SNW1: variants seen among roughly 807,000 people sequenced by gnomAD.
The protein encoded by SNW1 is SNW domain containing 1.
SNW1 carries 9 observed loss-of-function variants against 75.6 expected under a neutral mutation model. The ratio of observed to expected loss-of-function variants is 0.12; its 90% confidence interval spans 0.07 to 0.21. The LOEUF is 0.21. Ranked by LOEUF, SNW1 falls within the 10% of genes least tolerant of loss-of-function variation. The pLI is 1.00. For missense variants in SNW1, 409 were observed against 670.9 expected, an observed-to-expected ratio of 0.61 and a Z score of 4.31; for synonymous variants, 200 against 219.1, an observed-to-expected ratio of 0.91 and a Z score of 0.77.
intron 9 of SNW1, 113 bp downstream of exon 9, chr14:77,732,372 G>A: frequency 1.4e-6 from 1 of 694,940 alleles, no homozygotes; most frequent in Non-Finnish European, 2.5e-6. Flanking sequence ...CACGTACCAT[G>A]GGTGAGACTC....
intron 1 of SNW1, among the ~76,000 whole-genome samples, chr14:77,758,037 A>AAT (rs2080856437): frequency 6.6e-6 from 1 of 151,282 alleles, no homozygotes; most frequent in African/African-American, 2.4e-5. Flanking sequence ...GCAATCAATC[A>AAT]CAATTTTTCC....
chr14:77,721,071 G>C, intron 11 of SNW1: 1 of 464,260 alleles, frequency 2.2e-6, no homozygotes, highest in Admixed American at 3.9e-5. Context: ...CAGATTCGTT[G>C]ACATGGAATT....
At chr14:77,757,845 T>C (rs902465396) in intron 1 of SNW1, among the ~76,000 whole-genome samples, 11 of 152,174 alleles carry the variant, frequency 7.2e-5, no homozygotes, top group African/African-American at 2.7e-4. Flanking sequence ...ACTACAGCCT[T>C]CTTATCTTTT....
intron 2 of SNW1, 50 bp from the exon 3 acceptor site, chr14:77,751,530 C>G (rs371985429): frequency 1.4e-6 from 2 of 1,415,666 alleles, no homozygotes. Flanking sequence ...ATTTGACATT[C>G]AAGATATATT....
chr14:77,756,078 A>G (rs1236802637), intron 1 of SNW1, among the ~76,000 whole-genome samples: 1 of 151,672 alleles, frequency 6.6e-6, no homozygotes, highest in Admixed American at 6.6e-5. Flanking sequence ...AAACATTCCT[A>G]ATACTTCAGG....
chr14:77,749,307 CA>C (rs2080789263), intron 3 of SNW1, among the ~76,000 whole-genome samples: 1 of 152,162 alleles, frequency 6.6e-6, no homozygotes, highest in South Asian at 2.1e-4. Context: ...GAGAGCACCT[CA>C]TCAAACTGGT....
chr14:77,731,696 C>CA (rs2080628522), intron 9 of SNW1, among the ~76,000 whole-genome samples: 1 of 152,170 alleles, frequency 6.6e-6, no homozygotes, highest in Non-Finnish European at 1.5e-5. Context: ...TGCTATGATG[C>CA]ATGTGAACTT....
chr14:77,759,260 G>C (rs2080866773), intron 1 of SNW1, among the ~76,000 whole-genome samples: 1 of 152,208 alleles, frequency 6.6e-6, no homozygotes, highest in Non-Finnish European at 1.5e-5. Context: ...AGTAATGCCA[G>C]CACTGTGGGA....
At chr14:77,736,862 G>T (rs1187993877) in intron 6 of SNW1, 109 bp downstream of exon 6, 1 of 758,932 alleles carries the variant, frequency 1.3e-6, no homozygotes, top group Admixed American at 2.1e-5. Flanking sequence ...TAGATAAATG[G>T]AATCATACTG....
In SNW1 at chr14:77,751,433, A is replaced by G; in HGVS notation, c.216T>C (p.Tyr72=). Reference sequence around the variant, plus strand: ...TTTTCTTTCGTCCCATATCCAGTGGATACTGGGCCACATGGATCTCTGGAA... The same window carrying G: ...TTTTCTTTCGTCCCATATCCAGTGGGTACTGGGCCACATGGATCTCTGGAA... ...GAFPEIHVAQ[Y]PLDMGRKKKM... is the part of the protein sequence containing the mutation. Residue 72 remains tyrosine (Y), a synonymous_variant, in exon 3 of 14, where the codon TAT becomes TAC. Coordinates refer to ENST00000261531, the MANE Select transcript of SNW1 (RefSeq NM_012245.3). The G allele has an allele frequency of 3.7e-6, 6 of 1,613,314 alleles. No individual in the cohort carries two copies. Among genetic ancestry groups the G allele is most frequent in the Non-Finnish European group, 4.2e-6 (5 of 1,179,634 alleles).
intron 13 of SNW1, 21 bp from the exon 14 acceptor site, chr14:77,718,307 C>T: frequency 6.2e-7 from 1 of 1,614,094 alleles, no homozygotes. Flanking sequence ...GGAGAAAAAA[C>T]TATGAACTAC....
intron 3 of SNW1, among the ~76,000 whole-genome samples, chr14:77,749,990 C>T (rs2080795022): frequency 6.6e-6 from 1 of 151,924 alleles, no homozygotes; most frequent in Non-Finnish European, 1.5e-5. Flanking sequence ...TGCTTGAGCC[C>T]AAAAGTTCAA....
intron 9 of SNW1, 41 bp from the exon 10 acceptor site, chr14:77,731,170 G>T (rs778383955): frequency 1.3e-6 from 2 of 1,597,232 alleles, no homozygotes; most frequent in Admixed American, 3.5e-5. Context: ...ACTATCATGG[G>T]ATAAATATTT....
At chr14:77,757,919 C>CT (rs2080853703) in intron 1 of SNW1, among the ~76,000 whole-genome samples, 12 of 147,574 alleles carry the variant, frequency 8.1e-5, no homozygotes, top group Non-Finnish European at 1.5e-4. Context: ...TCAATCTAAT[C>CT]ATCTATCTAT....
intron 2 of SNW1, 67 bp from the exon 3 acceptor site, chr14:77,751,547 T>A: frequency 1.5e-6 from 2 of 1,291,392 alleles, no homozygotes; most frequent in East Asian, 2.5e-5. Context: ...TATTCATTCA[T>A]TCAACAAGTA....
At chr14:77,738,436 C>G (rs1014067190) in intron 5 of SNW1, among the ~76,000 whole-genome samples, 1 of 152,126 alleles carries the variant, frequency 6.6e-6, no homozygotes, top group African/African-American at 2.4e-5. Flanking sequence ...CAGCGAGACC[C>G]TGTCTCTACA....
At chr14:77,754,559 T>C (rs1190001485) in intron 2 of SNW1, among the ~76,000 whole-genome samples, 1 of 152,150 alleles carries the variant, frequency 6.6e-6, no homozygotes, top group African/African-American at 2.4e-5. Context: ...GAGTTTTCCC[T>C]GAAGGAAAGT....
chr14:77,746,557 C>A (rs1265865582), intron 3 of SNW1, among the ~76,000 whole-genome samples: 1 of 152,086 alleles, frequency 6.6e-6, no homozygotes, highest in Non-Finnish European at 1.5e-5. Context: ...TAAGTCCACA[C>A]CTAAGAATTT....
At chr14:77,747,360 G>A (rs1015322635) in intron 3 of SNW1, among the ~76,000 whole-genome samples, 1 of 151,822 alleles carries the variant, frequency 6.6e-6, no homozygotes, top group Non-Finnish European at 1.5e-5. Flanking sequence ...AGTGAGGAGC[G>A]TCTCTGCCAG....
Sources: allele counts gnomAD v4.1 joint callset (sites outside exome capture counted in the v4.1 genomes callset), GRCh38; gene constraint gnomAD v4.1.1; transcripts MANE v1.5; gene names NCBI Gene and HGNC (gene_info 2026-07-23, HGNC 2026-07-21).